The following ANKRD44 variants were observed in gnomAD, a reference collection of about 807,000 sequenced individuals.
The protein encoded by ANKRD44 is serine/threonine-protein phosphatase 6 regulatory ankyrin repeat subunit B.
ANKRD44 carries 35 observed loss-of-function variants against 116.0 expected under a neutral mutation model. The observed-to-expected ratio is 0.30, with a 90% confidence interval of 0.23 to 0.40. ANKRD44 has a LOEUF of 0.40. Ranked by LOEUF, ANKRD44 falls within the 10% of genes least tolerant of loss-of-function variation. The pLI is 1.00. For synonymous variants in ANKRD44, 435 were observed against 461.8 expected (o/e 0.94, Z 0.74); for missense variants, 1,014 against 1,242.6 (o/e 0.82, Z 2.77).
At chr2:197,098,936 G>A (rs1020212304) in intron 10 of ANKRD44, among the ~76,000 whole-genome samples, 2 of 152,106 alleles carry the variant, frequency 1.3e-5, no homozygotes, top group South Asian at 2.1e-4. Flanking sequence ...CCTGCCCCTC[G>A]GTGGTGCACA....
At chr2:197,273,195 C>T (rs1203184271) in intron 1 of ANKRD44, among the ~76,000 whole-genome samples, 2 of 152,120 alleles carry the variant, frequency 1.3e-5, no homozygotes, top group African/African-American at 2.4e-5. Flanking sequence ...GGAAAGAAGT[C>T]GCAGAGTGAA....
intron 17 of ANKRD44, among the ~76,000 whole-genome samples, chr2:197,018,728 C>T (rs898550306): frequency 6.6e-6 from 1 of 152,158 alleles, no homozygotes; most frequent in African/African-American, 2.4e-5. Flanking sequence ...ACACTCAATA[C>T]TTACTTGATG....
intron 1 of ANKRD44, among the ~76,000 whole-genome samples, chr2:197,241,793 T>C (rs2082095362): frequency 6.6e-6 from 1 of 152,106 alleles, no homozygotes; most frequent in Non-Finnish European, 1.5e-5. Context: ...GAAGAATCAT[T>C]TCAATGATTC....
intron 2 of ANKRD44, among the ~76,000 whole-genome samples, chr2:197,149,076 C>T (rs1157115998): frequency 6.6e-6 from 1 of 152,162 alleles, no homozygotes; most frequent in Non-Finnish European, 1.5e-5. Flanking sequence ...CCATTTTAGC[C>T]TCATGTTCCC....
intron 21 of ANKRD44, among the ~76,000 whole-genome samples, chr2:196,976,122 G>A (rs2075758554): frequency 6.6e-6 from 1 of 152,010 alleles, no homozygotes; most frequent in South Asian, 2.1e-4. Flanking sequence ...AAAAACCCAT[G>A]GTAAACAAAA....
At chr2:197,133,792 A>G (rs902821228) in intron 4 of ANKRD44, among the ~76,000 whole-genome samples, 4 of 152,168 alleles carry the variant, frequency 2.6e-5, no homozygotes, top group Non-Finnish European at 2.9e-5. Context: ...AATAATGGCA[A>G]TAAGACTAAA....
At chr2:197,110,392 T>C (rs909711218) in intron 9 of ANKRD44, among the ~76,000 whole-genome samples, 7 of 152,236 alleles carry the variant, frequency 4.6e-5, no homozygotes, top group African/African-American at 1.7e-4. Flanking sequence ...TAGGAAATTA[T>C]AGTGAACTCT....
intron 12 of ANKRD44, among the ~76,000 whole-genome samples, chr2:197,087,831 G>A (rs2077960933): frequency 6.6e-6 from 1 of 151,960 alleles, no homozygotes; most frequent in Non-Finnish European, 1.5e-5. Flanking sequence ...TACAATTTGG[G>A]GGCTGAGGTA....
At chr2:196,979,382 CAAAAAAAAAAAA>C (rs778459937) in intron 21 of ANKRD44, among the ~76,000 whole-genome samples, 1 of 40,564 alleles carries the variant, frequency 2.5e-5, no homozygotes, top group East Asian at 7.6e-4. Flanking sequence ...GACTCCGTCT[CAAAAAAAAAAAA>C]AAAAAAAAAA....
chr2:197,118,391 C>G (rs2078762427), intron 8 of ANKRD44, among the ~76,000 whole-genome samples: 2 of 151,508 alleles, frequency 1.3e-5, no homozygotes, highest in African/African-American at 4.9e-5. Context: ...AGTTAAGAGA[C>G]CAGCCTGGCC....
chr2:197,268,253 T>C (rs2082792283), intron 1 of ANKRD44, among the ~76,000 whole-genome samples: 1 of 152,152 alleles, frequency 6.6e-6, no homozygotes. Flanking sequence ...GTCTTGTTAA[T>C]AGCAAAGGTA....
intron 1 of ANKRD44, among the ~76,000 whole-genome samples, chr2:197,196,755 C>A (rs549511862): frequency 3.9e-5 from 6 of 152,176 alleles, no homozygotes; most frequent in African/African-American, 1.4e-4. Flanking sequence ...TTCCAAACAC[C>A]AGCAAGCAAT....
intron 1 of ANKRD44, among the ~76,000 whole-genome samples, chr2:197,287,443 G>A (rs921906763): frequency 2.6e-5 from 4 of 152,170 alleles, no homozygotes; most frequent in African/African-American, 9.7e-5. Flanking sequence ...ATACTTGGCA[G>A]AGAGGACGTG....
intron 2 of ANKRD44, among the ~76,000 whole-genome samples, chr2:197,177,884 G>A (rs967189736): frequency 2.0e-5 from 3 of 152,012 alleles, no homozygotes; most frequent in Admixed American, 6.6e-5. Flanking sequence ...TAAATACAAA[G>A]CACACTTTTT....
intron 16 of ANKRD44, among the ~76,000 whole-genome samples, chr2:197,053,451 C>T (rs1463594095): frequency 1.3e-5 from 2 of 152,032 alleles, no homozygotes; most frequent in Non-Finnish European, 2.9e-5. Flanking sequence ...CTTTCTATCC[C>T]ATTCTCTAAT....
rs183420905 is a variant in ANKRD44, at chr2:197,230,786, C to T, written c.28-43680G>A. Among the ~76,000 whole-genome samples, 161 of 152,276 alleles carry T rather than the reference C, an allele frequency of 1.1e-3. 1 individual carries two copies. Among genetic ancestry groups the T allele is most frequent in the African/African-American group, 3.8e-3 (156 of 41,566 alleles). ...CGTAGTCATTCGGGGCCTCGGGTCT[C>T]TTCTTCCAGTGGCTCTACCATCTCC... On this transcript the variant is annotated intron_variant, in intron 1 of 27. Coordinates refer to ENST00000282272, the MANE Select transcript of ANKRD44 (RefSeq NM_001195144.2).
intron 2 of ANKRD44, among the ~76,000 whole-genome samples, chr2:197,177,469 G>A (rs1386630873): frequency 3.9e-5 from 6 of 152,128 alleles, no homozygotes; most frequent in Non-Finnish European, 7.4e-5. Flanking sequence ...TAAGTACCAC[G>A]CCACTGAAAT....
chr2:197,240,500 G>A (rs1035264656), intron 1 of ANKRD44, among the ~76,000 whole-genome samples: 2 of 151,452 alleles, frequency 1.3e-5, no homozygotes, highest in African/African-American at 2.4e-5. Flanking sequence ...TAGGAAGCAA[G>A]ATGGAAATCC....
intron 10 of ANKRD44, among the ~76,000 whole-genome samples, chr2:197,095,054 GTTTCTCCCATTA>G (rs1478128909): frequency 6.6e-6 from 1 of 152,122 alleles, no homozygotes; most frequent in Non-Finnish European, 1.5e-5. Context: ...TTTCTCTCCT[GTTTCTCCCATTA>G]TTTCTCCAAC....
Sources: gnomAD v4.1 joint callset for allele counts (sites outside exome capture counted in the v4.1 genomes callset) on GRCh38, gnomAD v4.1.1 for gene constraint, MANE v1.5 for transcripts, NCBI Gene and HGNC (gene_info 2026-07-23, HGNC 2026-07-21) for gene names.